Variants in RUFY2 observed in about 807,000 individuals in gnomAD.
The protein encoded by RUFY2 is RUN and FYVE domain containing 2, also known as RUN and FYVE domain-containing protein 2.
Under a neutral mutation model 94.4 loss-of-function variants are expected in RUFY2, and 49 were observed. That is an observed-to-expected ratio of 0.52 (90% confidence interval 0.41 to 0.66). RUFY2 has a LOEUF of 0.66. Among genes scored for constraint, RUFY2 ranks in the 30% least tolerant of loss-of-function variants. The pLI is 0.00. For synonymous variants in RUFY2, 255 were observed against 235.7 expected (o/e 1.08, Z -0.75); for missense variants, 541 against 692.8 (o/e 0.78, Z 2.46).
At position 68,383,787 on chromosome 10, in the gene RUFY2, A is replaced by AT. The variant is rs1457321868; in HGVS notation, c.939+10dup. ...GATGATCTTGCTAATGTAATTTTTA[A>AT]TATAACCTACCTGTCGTAACTGAGA... On this transcript the variant is annotated intron_variant, in intron 10 of 17. Transcript: ENST00000602465. 3 of 1,559,784 alleles carry AT rather than the reference A, an allele frequency of 1.9e-6. No individual in the cohort carries two copies. In the African/African-American group the frequency reaches 4.1e-5, roughly 21 times the overall value.
chr10:68,398,865 T>G (rs2050598799), intron 3 of RUFY2, among the ~76,000 whole-genome samples: 1 of 152,138 alleles, frequency 6.6e-6, no homozygotes, highest in Non-Finnish European at 1.5e-5. Context: ...GTTTTACTAT[T>G]GTAGAGTCTG....
In RUFY2 at chr10:68,345,589, A is replaced by C; in HGVS notation, c.*179T>G. The stretch of plus-strand genomic sequence containing the variant: ...ATGCTCTGTTGAAAATACATTTTGA[A>C]AAACAATGGGGAAGGAAATATATAA... On this transcript the variant is annotated 3_prime_UTR_variant, in exon 18 of 18. Transcript: ENST00000602465. 1 of 531,144 alleles carries C rather than the reference A, an allele frequency of 1.9e-6. No individual in the cohort carries two copies. The highest frequency in any genetic ancestry group is 3.2e-6 in the Non-Finnish European group (1 of 309,540). 32.9% of individuals were successfully genotyped at this position (531,144 alleles called of 1,614,324 possible).
intron 1 of RUFY2, chr10:68,406,738 A>G (rs1413186057): frequency 6.2e-7 from 1 of 1,601,624 alleles, no homozygotes; most frequent in Non-Finnish European, 8.5e-7. Flanking sequence ...CCCCAGGACC[A>G]TCGCGGCGGG....
chr10:68,350,090 ACCTCCG>A (rs1291651389), intron 16 of RUFY2, among the ~76,000 whole-genome samples: 2 of 151,460 alleles, frequency 1.3e-5, no homozygotes, highest in Non-Finnish European at 2.9e-5. Context: ...GCACACTACA[ACCTCCG>A]CCTCCCGGGT....
At chr10:68,392,029 CTTTTT>C (rs139099039) in intron 7 of RUFY2, among the ~76,000 whole-genome samples, 1 of 144,756 alleles carries the variant, frequency 6.9e-6, no homozygotes, top group Non-Finnish European at 1.5e-5. Context: ...TCTTTCTTTT[CTTTTT>C]TTTTTTTGAG....
intron 11 of RUFY2, among the ~76,000 whole-genome samples, chr10:68,380,034 T>C (rs1407260734): frequency 6.6e-6 from 1 of 152,076 alleles, no homozygotes; most frequent in Non-Finnish European, 1.5e-5. Context: ...GGTCTCGATC[T>C]CCTGACCTTG....
chr10:68,400,507 T>C (rs540626618), intron 3 of RUFY2, among the ~76,000 whole-genome samples: 18 of 147,472 alleles, frequency 1.2e-4, no homozygotes, highest in South Asian at 4.3e-4. Context: ...AAACCCCGTC[T>C]CTACTAAAAA....
At chr10:68,389,707 T>C (rs963616848) in intron 7 of RUFY2, among the ~76,000 whole-genome samples, 20 of 152,056 alleles carry the variant, frequency 1.3e-4, no homozygotes, top group African/African-American at 4.8e-4. Flanking sequence ...GGCGGGTGGA[T>C]TGCTTAAGCC....
At chr10:68,400,808 C>A (rs750587641) in intron 3 of RUFY2, among the ~76,000 whole-genome samples, 52 of 151,730 alleles carry the variant, frequency 3.4e-4, no homozygotes, top group Non-Finnish European at 5.1e-4. Flanking sequence ...GTCAGGAGAT[C>A]GAGACCATTC....
rs367784179 is a variant in RUFY2 at position 68,382,522 on chromosome 10, G to A, written c.940-1123C>T. On this transcript the variant is annotated intron_variant, in intron 10 of 17. Coordinates refer to ENST00000602465, the MANE Select transcript of RUFY2 (RefSeq NM_001330103.2). The stretch of plus-strand genomic sequence containing the variant: ...GAGGTCAAGAGATCGAGACCATCCT[G>A]GCTAACATGGTGAAACTCCGTCTCT... 2.2e-4 allele frequency among the ~76,000 whole-genome samples: 33 copies of A among 151,150 alleles called. No homozygotes were observed. In the East Asian group the frequency reaches 2.6e-3, roughly 12 times the overall value.
chr10:68,401,221 T>A (rs763776235), intron 3 of RUFY2, among the ~76,000 whole-genome samples: 6 of 152,196 alleles, frequency 3.9e-5, no homozygotes, highest in Non-Finnish European at 8.8e-5. Flanking sequence ...TACAACTGGC[T>A]TATCTGAGAA....
Position 68,385,567 on chromosome 10 carries a change from G to A in RUFY2, c.720+492C>T, listed in dbSNP as rs1047586268. On this transcript the variant is annotated intron_variant, in intron 8 of 17. Coordinates refer to ENST00000602465, the MANE Select transcript of RUFY2 (RefSeq NM_001330103.2). ...AGTGGAACAGTGGGAAGAGAGGGAC[G>A]GTATCATTTTAACAAGAATTTCTTT... 2.2e-4 allele frequency among the ~76,000 whole-genome samples: 33 copies of A among 151,910 alleles called. 1 individual carries two copies. The highest frequency in any genetic ancestry group is 7.5e-4 in the African/African-American group (31 of 41,344).
rs377600173 is a variant in RUFY2, at chr10:68,398,126, C to CAA, written c.297-1247_297-1246dup. On this transcript the variant is annotated intron_variant, in intron 3 of 17. Coordinates refer to ENST00000602465, the MANE Select transcript of RUFY2 (RefSeq NM_001330103.2). ...TGGGCAACAAGGTAAGATTTGTTCT[C>CAA]AAAAAAAAAAAAAAAAAAAAAAAAT... 4.7e-3 allele frequency among the ~76,000 whole-genome samples: 301 copies of CAA among 64,306 alleles called. 4 individuals are homozygous for CAA. The highest frequency in any genetic ancestry group is 9.6e-3 in the African/African-American group (209 of 21,806). The allele number at this position is 64,306 out of a possible 152,430, so 42.2% of individuals were successfully genotyped here.
At chr10:68,341,361 AATAAG>A, downstream of RUFY2, 1 of 1,551,570 alleles carries the variant, frequency 6.4e-7, no homozygotes, top group Non-Finnish European at 8.7e-7. Flanking sequence ...GAATTTATAA[AATAAG>A]AGGCTCTAAG....
intron 1 of RUFY2, among the ~76,000 whole-genome samples, chr10:68,405,240 G>A (rs958557471): frequency 4.0e-5 from 6 of 151,294 alleles, no homozygotes; most frequent in African/African-American, 1.5e-4. Flanking sequence ...TTGAACCCAG[G>A]AGGCGGAGAT....
At chr10:68,371,113 CAG>C (rs1304208098) in intron 13 of RUFY2, among the ~76,000 whole-genome samples, 1 of 127,568 alleles carries the variant, frequency 7.8e-6, no homozygotes. Flanking sequence ...GCCTGGGTGA[CAG>C]AGAGAGGCTC....
intron 13 of RUFY2, among the ~76,000 whole-genome samples, chr10:68,371,265 CA>C (rs887093043): frequency 9.3e-5 from 14 of 150,612 alleles, no homozygotes; most frequent in Non-Finnish European, 1.8e-4. Flanking sequence ...ACTAAAAATA[CA>C]AAAAAATTAG....
chr10:68,362,167 A>G (rs912190998), intron 15 of RUFY2, among the ~76,000 whole-genome samples: 2 of 151,842 alleles, frequency 1.3e-5, no homozygotes, highest in Non-Finnish European at 2.9e-5. Flanking sequence ...TCCACAAAAA[A>G]TAAAAAAAAA....
At position 68,345,407 on chromosome 10, in the gene RUFY2, G is replaced by A. The variant is rs1359829254; in HGVS notation, c.*361C>T. On this transcript the variant is annotated 3_prime_UTR_variant, in exon 18 of 18. Transcript: ENST00000602465. The stretch of plus-strand genomic sequence containing the variant: ...AGTTTCAGAACTGTGAAGCTTTAAA[G>A]TGCATTAAGAGAACTGCAGGCACCA... 3 of 396,178 alleles carry A rather than the reference G, an allele frequency of 7.6e-6. No individual in the cohort carries two copies. Among genetic ancestry groups the A allele is most frequent in the Non-Finnish European group, 1.3e-5 (3 of 225,098 alleles). 24.5% of individuals were successfully genotyped at this position (396,178 alleles called of 1,614,324 possible). A position where few individuals can be genotyped will look rare whatever the true frequency, so the allele number is the denominator to read the frequency against.
Sources: gnomAD v4.1 joint callset for allele counts (sites outside exome capture counted in the v4.1 genomes callset) on GRCh38, gnomAD v4.1.1 for gene constraint, MANE v1.5 for transcripts, NCBI Gene and HGNC (gene_info 2026-07-23, HGNC 2026-07-21) for gene names.